The following IPO9 variants were observed in gnomAD, a reference collection of about 807,000 sequenced individuals.
IPO9 encodes the protein importin 9.
IPO9 carries 28 observed loss-of-function variants against 128.6 expected under a neutral mutation model. That is an observed-to-expected ratio of 0.22 (90% CI 0.16 to 0.30). The LOEUF is 0.30. IPO9 is among the 10% of genes least tolerant of loss of function. IPO9 has a pLI of 1.00. For synonymous variants in IPO9, 455 were observed against 475.8 expected (o/e 0.96, Z 0.57); for missense variants, 935 against 1,293.9 (o/e 0.72, Z 4.26).
intron 1 of IPO9, among the ~76,000 whole-genome samples, chr1:201,838,705 G>A (rs1009136101): frequency 6.6e-6 from 1 of 151,892 alleles, no homozygotes; most frequent in Non-Finnish European, 1.5e-5. Flanking sequence ...TGCCATAGGA[G>A]TGGATCAAAA....
At chr1:201,869,388 C>G (rs565648050) in intron 16 of IPO9, among the ~76,000 whole-genome samples, 19 of 152,352 alleles carry the variant, frequency 1.2e-4, no homozygotes, top group African/African-American at 4.6e-4. Context: ...CTGCCCACCC[C>G]TATGGCTAAT....
At chr1:201,837,539 C>T (rs1339726605) in intron 1 of IPO9, among the ~76,000 whole-genome samples, 1 of 152,160 alleles carries the variant, frequency 6.6e-6, no homozygotes, top group African/African-American at 2.4e-5. Flanking sequence ...AATATCAGTG[C>T]TTTCATTGGA....
chr1:201,857,368 A>T (rs73090413), intron 11 of IPO9, among the ~76,000 whole-genome samples, 174 bp downstream of exon 11: 1,563 of 152,332 alleles, frequency 0.01, 26 homozygotes, highest in African/African-American at 0.036. Flanking sequence ...GAAATTCTAA[A>T]ATCATTGCTA....
At chr1:201,864,014 A>G (rs1332132951) in intron 14 of IPO9, among the ~76,000 whole-genome samples, 1 of 150,010 alleles carries the variant, frequency 6.7e-6, no homozygotes, top group Non-Finnish European at 1.5e-5. Context: ...ACCTAGAAAC[A>G]CTGCTTATTT....
chr1:201,834,189 T>TAA (rs11427888), intron 1 of IPO9, among the ~76,000 whole-genome samples: 1 of 135,620 alleles, frequency 7.4e-6, no homozygotes, highest in Admixed American at 7.5e-5. Flanking sequence ...TTCGTTAGAG[T>TAA]AAAAAAACTT....
rs781370407 is a variant in IPO9, at chr1:201,866,791, A to G, written c.1687A>G (p.Ser563Gly). Residue 563 changes from serine to glycine, a missense_variant, in exon 15 of 24, where the codon AGC becomes GGC. This residue lies in a region of IPO9 where 741 missense variants were observed against 1,019.1 expected (regional missense o/e 0.73). Coordinates refer to ENST00000361565, the MANE Select transcript of IPO9 (RefSeq NM_018085.5). ...STHVLQPFLP[S>G]ILDGLIHLAA... Reference sequence around the variant, plus strand: ...CCACGTGCTCCAGCCCTTCCTCCCCAGCATCCTTGATGGCTTAATTCACCT... The same window carrying G: ...CCACGTGCTCCAGCCCTTCCTCCCCGGCATCCTTGATGGCTTAATTCACCT... 1.9e-6 allele frequency: 3 copies of G among 1,614,134 alleles called. No individual in the cohort carries two copies. The East Asian group carries it at 6.7e-5, about 36-fold the overall frequency.
intron 1 of IPO9, among the ~76,000 whole-genome samples, chr1:201,845,756 G>A (rs1680114670): frequency 6.6e-6 from 1 of 151,786 alleles, no homozygotes; most frequent in Admixed American, 6.6e-5. Context: ...ACATTTATAG[G>A]CATCTCAAGT....
At chr1:201,848,254 C>A in intron 3 of IPO9, 139 bp from the exon 4 acceptor site, 1 of 689,360 alleles carries the variant, frequency 1.5e-6, no homozygotes, top group Non-Finnish European at 2.6e-6. Context: ...AATGAATTGT[C>A]AAGTTTGTGT....
intron 1 of IPO9, among the ~76,000 whole-genome samples, chr1:201,838,723 C>T (rs550080738): frequency 6.6e-6 from 1 of 151,692 alleles, no homozygotes; most frequent in South Asian, 2.1e-4. Context: ...AAAACTGCAG[C>T]TTAAAGGCAT....
chr1:201,851,217 G>C (rs1313824205), intron 4 of IPO9, among the ~76,000 whole-genome samples: 2 of 143,106 alleles, frequency 1.4e-5, no homozygotes, highest in African/African-American at 2.6e-5. Context: ...GGCAGATCTT[G>C]CTATGTTCAA....
At position 201,874,389 on chromosome 1, in the gene IPO9, C is replaced by T. The variant is rs1440244093; in HGVS notation, c.2833+17C>T. Reference sequence around the variant, plus strand: ...GGAGTCAAGGTGCACCAGGCCCTTACTCCCAGGAGACTTTTAGCCTGGCAG... The same window carrying T: ...GGAGTCAAGGTGCACCAGGCCCTTATTCCCAGGAGACTTTTAGCCTGGCAG... On this transcript the variant is annotated intron_variant, in intron 21 of 23. Coordinates refer to ENST00000361565, the MANE Select transcript of IPO9 (RefSeq NM_018085.5). 3.1e-6 allele frequency: 5 copies of T among 1,600,182 alleles called. No homozygotes were observed. The highest frequency in any genetic ancestry group is 4.3e-6 in the Non-Finnish European group (5 of 1,172,352).
rs2102888569 is a variant in IPO9, at chr1:201,870,287, G to A, written c.2134-296G>A. On this transcript the variant is annotated intron_variant, in intron 17 of 23. Transcript: ENST00000361565. This position sits in a 1 kb window ranked among gnomAD's most constrained non-coding sequence, Gnocchi z 4.9. ...TTGTAAGCATATTTTTTTAGTACCA[G>A]AGGTAGACCTTTATGATTAAAATTC... Among the ~76,000 whole-genome samples, 2 of 152,242 alleles carry A rather than the reference G, an allele frequency of 1.3e-5. No homozygotes were observed. Among genetic ancestry groups the A allele is most frequent in the Non-Finnish European group, 2.9e-5 (2 of 68,008 alleles).
chr1:201,845,014 T>C (rs762700553), intron 1 of IPO9, among the ~76,000 whole-genome samples: 6 of 137,930 alleles, frequency 4.4e-5, no homozygotes, highest in Non-Finnish European at 1.0e-4. Flanking sequence ...GATACCAGTA[T>C]TTTTTTTGGG....
chr1:201,847,788 A>C, intron 3 of IPO9, 150 bp downstream of exon 3: 1 of 618,262 alleles, frequency 1.6e-6, no homozygotes. Flanking sequence ...AGGGCTATAC[A>C]TTAAAGAGCT....
Position 201,874,912 on chromosome 1 carries a change from G to C in IPO9, c.2914G>C (p.Asp972His). 6.2e-7 allele frequency: 1 copy of C among 1,612,572 alleles called. No individual in the cohort carries two copies. The highest frequency in any genetic ancestry group is 8.5e-7 in the Non-Finnish European group (1 of 1,178,586). The change falls in exon 22 of 24, where the codon GAC (aspartate) becomes CAC (histidine). Residue 972 changes from aspartate (D) to histidine (H), a missense_variant. Asp to His is a moderately conservative substitution (Grantham distance 81). Around this residue, in one of 3 missense-constraint regions of IPO9, gnomAD observed 188 missense variants for 246.7 expected, o/e 0.76. Transcript: ENST00000361565. ...TGGTTTAGCTGGCCAACTTTTATCTGACATTCTTGCTACAAGTAAATATGG... is the reference window on the plus strand; with the variant it reads ...TGGTTTAGCTGGCCAACTTTTATCTCACATTCTTGCTACAAGTAAATATGG... ...EDGLAGQLLS[D>H]ILATSKYEED...
intron 23 of IPO9, among the ~76,000 whole-genome samples, chr1:201,875,584 T>C (rs893632929): frequency 6.9e-6 from 1 of 144,908 alleles, no homozygotes; most frequent in African/African-American, 2.6e-5. Flanking sequence ...AGCAAGACCC[T>C]GTGTTCAAAA....
intron 14 of IPO9, 89 bp downstream of exon 14, chr1:201,863,696 T>G (rs957110813): frequency 8.4e-7 from 1 of 1,186,604 alleles, no homozygotes; most frequent in African/African-American, 1.5e-5. Context: ...TTATGTTGCT[T>G]GGAAATCCCT....
intron 1 of IPO9, among the ~76,000 whole-genome samples, chr1:201,839,040 C>T (rs2102869664): frequency 6.6e-6 from 1 of 151,794 alleles, no homozygotes; most frequent in Non-Finnish European, 1.5e-5. Flanking sequence ...CTGCCTCAGC[C>T]TCCCAAGTAG....
chr1:201,857,746 G>A lies in IPO9; in HGVS notation c.1221+552G>A, dbSNP rs1488988025. On this transcript the variant is annotated intron_variant, in intron 11 of 23. Transcript: ENST00000361565. The stretch of plus-strand genomic sequence containing the variant: ...GGAGGCGGAGGTTGTGGTGAGCCAA[G>A]ATTACACCATTGCGCTCCAGCCTGG... Among the ~76,000 whole-genome samples the A allele has an allele frequency of 2.7e-5, 4 of 146,000 alleles. No individual in the cohort carries two copies. In the Admixed American group the frequency reaches 2.8e-4, roughly 10 times the overall value.
Sources: allele counts gnomAD v4.1 joint callset (sites outside exome capture counted in the v4.1 genomes callset), GRCh38; gene constraint gnomAD v4.1.1; regional missense constraint gnomAD v4.1.1; non-coding constraint Gnocchi (gnomAD v3.1); transcripts MANE v1.5; gene names NCBI Gene and HGNC (gene_info 2026-07-23, HGNC 2026-07-21).